HOOK1: variants seen among roughly 807,000 people sequenced by gnomAD.
HOOK1 encodes the protein hook microtubule tethering protein 1, also known as protein Hook homolog 1.
In HOOK1, 60 loss-of-function variants were observed where a neutral mutation model predicts 112.8. The observed-to-expected ratio is 0.53, with a 90% CI of 0.43 to 0.66. The LOEUF is 0.66. Ranked by LOEUF, HOOK1 falls within the 30% of genes least tolerant of loss-of-function variation. HOOK1 has a pLI of 0.00. For synonymous variants in HOOK1, 294 were observed against 283.8 expected, an observed-to-expected ratio of 1.04 and a Z score of -0.36; for missense variants, 770 against 856.0, an observed-to-expected ratio of 0.90 and a Z score of 1.25.
At position 59,829,564 on chromosome 1, in the gene HOOK1, T is replaced by A. The variant is rs535854943; in HGVS notation, c.222+712T>A. Among the ~76,000 whole-genome samples the A allele has an allele frequency of 1.1e-4, 16 of 152,246 alleles. 1 individual carries two copies. Among genetic ancestry groups the A allele is most frequent in the South Asian group, 8.3e-4 (4 of 4,832 alleles). ...GTATGATTTGTTGATACACAGTCCT[T>A]AACTGAATTACTGTGCTAATAATGT... On this transcript the variant is annotated intron_variant, in intron 3 of 21. Transcript: ENST00000371208.
At position 59,868,232 on chromosome 1, in the gene HOOK1, A is replaced by AT. The variant is rs750145694; in HGVS notation, c.1846-11dup. 3 of 1,309,564 alleles carry AT rather than the reference A, an allele frequency of 2.3e-6. No homozygotes were observed. Among genetic ancestry groups the AT allele is most frequent in the Admixed American group, 1.8e-5 (1 of 56,982 alleles). 81.1% of individuals were successfully genotyped at this position (1,309,564 alleles called of 1,614,324 possible). A position where few individuals can be genotyped will look rare whatever the true frequency, so the allele number is the denominator to read the frequency against. ...CTTTAAAATATAAAGTGAACATAGT[A>AT]TTTTTTTCTTTAAACAGGTAATAAA... On this transcript the variant is annotated splice_polypyrimidine_tract_variant and intron_variant, in intron 19 of 21. Transcript: ENST00000371208.
At chr1:59,815,211 G>A (rs1374680715) in intron 1 of HOOK1, 31 bp downstream of exon 1, 7 of 1,537,306 alleles carry the variant, frequency 4.6e-6, no homozygotes, top group Non-Finnish European at 6.1e-6. Flanking sequence ...GGGCGAGGGG[G>A]CCAGGGGGCC....
chr1:59,855,971 TATATATATA>T (rs2098410410), intron 12 of HOOK1, among the ~76,000 whole-genome samples: 2 of 78,906 alleles, frequency 2.5e-5, no homozygotes, highest in Admixed American at 1.2e-4. Context: ...AATTATTATA[TATATATATA>T]TATATTTTTT....
At chr1:59,843,723 G>A in intron 9 of HOOK1, 125 bp downstream of exon 9, 1 of 685,214 alleles carries the variant, frequency 1.5e-6, no homozygotes, top group Non-Finnish European at 2.3e-6. Flanking sequence ...TTAAGCTCCT[G>A]AAAATACCAG....
intron 12 of HOOK1, among the ~76,000 whole-genome samples, chr1:59,851,790 GTTCT>G (rs1478728620): frequency 6.6e-6 from 1 of 151,624 alleles, no homozygotes; most frequent in Non-Finnish European, 1.5e-5. Context: ...CTAGCTGTGA[GTTCT>G]TTGTTTTCGT....
At chr1:59,818,544 G>T (rs2098383229) in intron 1 of HOOK1, among the ~76,000 whole-genome samples, 1 of 152,180 alleles carries the variant, frequency 6.6e-6, no homozygotes, top group South Asian at 2.1e-4. Flanking sequence ...AGAGTTTGAA[G>T]AAATGTTTGT....
intron 15 of HOOK1, among the ~76,000 whole-genome samples, chr1:59,862,055 A>G (rs182727881): frequency 4.6e-5 from 7 of 152,302 alleles, no homozygotes; most frequent in East Asian, 3.9e-4. Flanking sequence ...ACATATTACT[A>G]TCTTATTCAG....
chr1:59,857,059 TGTG>T (rs2098411114), intron 12 of HOOK1, among the ~76,000 whole-genome samples: 1 of 152,190 alleles, frequency 6.6e-6, no homozygotes. Context: ...CTTCAGTACC[TGTG>T]GTGGCAAACA....
At chr1:59,869,730 G>A (rs1644025095) in intron 20 of HOOK1, among the ~76,000 whole-genome samples, 1 of 152,132 alleles carries the variant, frequency 6.6e-6, no homozygotes, top group Non-Finnish European at 1.5e-5. Context: ...TGCTTGTCCA[G>A]GCTATGTTGT....
chr1:59,853,383 G>T (rs2098408297), intron 12 of HOOK1, among the ~76,000 whole-genome samples: 1 of 151,956 alleles, frequency 6.6e-6, no homozygotes, highest in South Asian at 2.1e-4. Context: ...TTATCTTAAA[G>T]TCTGTTTTGT....
At chr1:59,858,247 A>G (rs1463422851) in intron 12 of HOOK1, among the ~76,000 whole-genome samples, 181 bp from the exon 13 acceptor site, 2 of 152,214 alleles carry the variant, frequency 1.3e-5, no homozygotes. Flanking sequence ...GAAAGTCAAA[A>G]CCATGTATAA....
At chr1:59,866,548 A>T (rs1360019035) in intron 19 of HOOK1, among the ~76,000 whole-genome samples, 2 of 152,166 alleles carry the variant, frequency 1.3e-5, no homozygotes, top group Non-Finnish European at 2.9e-5. Flanking sequence ...TCCTAAGCTG[A>T]CAGAGGCTCT....
chr1:59,826,806 AGGCTGGAGTGCAAAGGCACAATCTT>A (rs1433716742), intron 2 of HOOK1, among the ~76,000 whole-genome samples: 1 of 152,208 alleles, frequency 6.6e-6, no homozygotes, highest in Non-Finnish European at 1.5e-5. Flanking sequence ...CTTGTTGCCC[AGGCTGGAGTGCAAAGGCACAATCTT>A]GGCTCACTGC....
At chr1:59,861,158 G>A (rs1173291565) in intron 15 of HOOK1, among the ~76,000 whole-genome samples, 1 of 152,058 alleles carries the variant, frequency 6.6e-6, no homozygotes, top group Non-Finnish European at 1.5e-5. Flanking sequence ...TAATCCACCT[G>A]CCTCAGCCTT....
At chr1:59,838,283 A>G (rs2098399052) in intron 7 of HOOK1, among the ~76,000 whole-genome samples, 1 of 152,178 alleles carries the variant, frequency 6.6e-6, no homozygotes, top group Admixed American at 6.5e-5. Flanking sequence ...GTCTTCCACA[A>G]TGGTTGAACT....
intron 3 of HOOK1, among the ~76,000 whole-genome samples, chr1:59,830,832 G>A (rs2098393348): frequency 6.7e-6 from 1 of 149,516 alleles, no homozygotes; most frequent in East Asian, 1.9e-4. Flanking sequence ...CTTCACATCT[G>A]TAGTAATTTT....
At chr1:59,834,067 A>C (rs1437218508) in intron 5 of HOOK1, among the ~76,000 whole-genome samples, 1 of 152,190 alleles carries the variant, frequency 6.6e-6, no homozygotes, top group African/African-American at 2.4e-5. Context: ...TGCTGAGTAC[A>C]AAAGGATCAT....
At chr1:59,855,717 G>A (rs1348298979) in intron 12 of HOOK1, among the ~76,000 whole-genome samples, 2 of 150,942 alleles carry the variant, frequency 1.3e-5, no homozygotes, top group Admixed American at 1.3e-4. Context: ...CTTGATGGGA[G>A]TCCTACAGCT....
chr1:59,843,499 A>G lies in HOOK1; in HGVS notation c.689A>G (p.Asp230Gly). 6.2e-7 allele frequency: 1 copy of G among 1,611,118 alleles called. No individual in the cohort carries two copies. Reference protein sequence around the residue: ...SENEMMNEKLDQLDGSFDDPN... With the variant: ...SENEMMNEKLGQLDGSFDDPN... ...AATGAGATGATGAATGAAAAACTTGACCAGTTGGATGGCTCTTTTGATGAT... is the reference window on the plus strand; with the variant it reads ...AATGAGATGATGAATGAAAAACTTGGCCAGTTGGATGGCTCTTTTGATGAT... Residue 230 changes from aspartate to glycine, a missense_variant, in exon 9 of 22, where the codon GAC (aspartate) becomes GGC (glycine). By Grantham distance (94) the Asp-to-Gly change is moderately conservative. Coordinates refer to ENST00000371208, the MANE Select transcript of HOOK1 (RefSeq NM_015888.6).
Sources: gnomAD v4.1 joint callset for allele counts (sites outside exome capture counted in the v4.1 genomes callset) on GRCh38, gnomAD v4.1.1 for gene constraint, MANE v1.5 for transcripts, NCBI Gene and HGNC (gene_info 2026-07-23, HGNC 2026-07-21) for gene names.